The following PHF14 variants were observed in gnomAD, a reference collection of about 807,000 sequenced individuals.
PHF14 encodes the protein PHD finger protein 14.
A neutral mutation model predicts 117.9 loss-of-function variants in PHF14; 55 were observed. That is an observed-to-expected ratio of 0.47 (90% CI 0.38 to 0.58). The LOEUF (loss-of-function observed/expected upper bound fraction) is 0.58, where lower values mean the gene tolerates loss of function less well. PHF14 is among the 20% of genes least tolerant of loss of function. The pLI is 0.00. For missense variants in PHF14, 978 were observed against 1,122.2 expected (o/e 0.87, Z 1.84); for synonymous variants, 409 against 368.6 (o/e 1.11, Z -1.26).
chr7:11,019,573 T>C (rs1194598856), intron 5 of PHF14, among the ~76,000 whole-genome samples: 1 of 152,190 alleles, frequency 6.6e-6, no homozygotes, highest in Non-Finnish European at 1.5e-5. Context: ...ATTTCTGCAA[T>C]ATCAGTTATA....
At chr7:11,091,295 G>GA (rs1340374434) in intron 16 of PHF14, among the ~76,000 whole-genome samples, 2 of 152,144 alleles carry the variant, frequency 1.3e-5, no homozygotes, top group Non-Finnish European at 2.9e-5. Context: ...CAAACTGGAT[G>GA]ACTTTAAGCT....
At chr7:11,018,212 G>T (rs1192472959) in intron 5 of PHF14, among the ~76,000 whole-genome samples, 1 of 151,888 alleles carries the variant, frequency 6.6e-6, no homozygotes, top group Admixed American at 6.6e-5. Flanking sequence ...TTTTGCTTAG[G>T]ATAGCTTTGG....
intron 6 of PHF14, among the ~76,000 whole-genome samples, chr7:11,024,496 T>A (rs1475205252): frequency 1.3e-5 from 2 of 152,196 alleles, no homozygotes; most frequent in African/African-American, 4.8e-5. Context: ...CTATCTGGCT[T>A]CTAAGGGCAG....
intron 16 of PHF14, chr7:11,105,597 G>C (rs1456088129): frequency 2.0e-6 from 2 of 984,328 alleles, no homozygotes; most frequent in South Asian, 9.4e-5. Flanking sequence ...CCTGACATAC[G>C]AAGGCAGAAT....
In PHF14 at chr7:11,062,098, C is replaced by G; in HGVS notation, c.2654+13C>G. On this transcript the variant is annotated intron_variant, in intron 16 of 17. Coordinates refer to ENST00000634607, the MANE Select transcript of PHF14 (RefSeq NM_001007157.2). ...AAAATCTTGTCAGGTAAGTTGGATGCTAAAACCTTGTCTTTAGGGGATGAA... is the reference window on the plus strand; with the variant it reads ...AAAATCTTGTCAGGTAAGTTGGATGGTAAAACCTTGTCTTTAGGGGATGAA... The G allele has an allele frequency of 1.9e-6, 3 of 1,594,020 alleles. No individual in the cohort carries two copies. Among genetic ancestry groups the G allele is most frequent in the Non-Finnish European group, 2.6e-6 (3 of 1,170,808 alleles).
intron 14 of PHF14, among the ~76,000 whole-genome samples, chr7:11,055,174 T>C (rs1045310885): frequency 1.3e-5 from 2 of 152,220 alleles, no homozygotes; most frequent in Non-Finnish European, 2.9e-5. Context: ...TGGAAACTTT[T>C]ACTTACTTTT....
intron 16 of PHF14, among the ~76,000 whole-genome samples, chr7:11,073,537 G>A (rs1399206588): frequency 6.6e-6 from 1 of 152,332 alleles, no homozygotes; most frequent in Middle Eastern, 3.4e-3. Flanking sequence ...CTGCTCTCAT[G>A]GGTTGGAGTT....
intron 5 of PHF14, among the ~76,000 whole-genome samples, chr7:11,018,010 G>C (rs1412205479): frequency 1.3e-5 from 2 of 152,174 alleles, no homozygotes; most frequent in East Asian, 3.9e-4. Flanking sequence ...ACCATTTGTT[G>C]AAGAAACTGT....
At chr7:11,078,245 A>G (rs1170968064) in intron 16 of PHF14, among the ~76,000 whole-genome samples, 1 of 152,164 alleles carries the variant, frequency 6.6e-6, no homozygotes. Flanking sequence ...AGGTTTGTTA[A>G]CTAGGAAAAC....
chr7:10,987,620 T>C (rs1325980401), intron 3 of PHF14, among the ~76,000 whole-genome samples: 3 of 152,162 alleles, frequency 2.0e-5, no homozygotes, highest in African/African-American at 7.2e-5. Context: ...TATTCCATCA[T>C]AATAAAGTTA....
rs550467246 is a variant in PHF14, at chr7:11,008,081, C to G, written c.1046-5666C>G. On this transcript the variant is annotated intron_variant, in intron 4 of 17. Coordinates refer to ENST00000634607, the MANE Select transcript of PHF14 (RefSeq NM_001007157.2). ...AGTGTGTCTGAATTCAGGAGAATGTCAGGTATATGTTAGTACTTGACAGAA... is the reference window on the plus strand; with the variant it reads ...AGTGTGTCTGAATTCAGGAGAATGTGAGGTATATGTTAGTACTTGACAGAA... Among the ~76,000 whole-genome samples the G allele has an allele frequency of 1.2e-3, 183 of 152,240 alleles. 1 individual carries two copies. Among genetic ancestry groups the G allele is most frequent in the African/African-American group, 4.2e-3 (175 of 41,536 alleles).
At chr7:11,031,282 C>A (rs575826046) in intron 7 of PHF14, among the ~76,000 whole-genome samples, 1 of 151,898 alleles carries the variant, frequency 6.6e-6, no homozygotes, top group Non-Finnish European at 1.5e-5. Context: ...CTTTGTATAG[C>A]CTTCTGACAT....
At chr7:11,132,302 AT>A (rs58675172) in intron 17 of PHF14, among the ~76,000 whole-genome samples, 71,967 of 142,464 alleles carry the variant, frequency 0.51, 18,237 homozygotes, top group East Asian at 0.82. Flanking sequence ...TATAATTGAG[AT>A]TTTTTTTTTT....
chr7:11,091,852 A>C (rs1786652380), intron 16 of PHF14, among the ~76,000 whole-genome samples: 1 of 152,208 alleles, frequency 6.6e-6, no homozygotes, highest in African/African-American at 2.4e-5. Context: ...TAAGTATTCA[A>C]TTCTAATTTT....
chr7:11,012,829 A>T (rs73678562), intron 4 of PHF14, among the ~76,000 whole-genome samples: 2,029 of 152,310 alleles, frequency 0.013, 52 homozygotes, highest in African/African-American at 0.046. Flanking sequence ...ATAATTTAAA[A>T]TTTTTGAACA....
intron 4 of PHF14, among the ~76,000 whole-genome samples, chr7:11,007,635 ATACTT>A (rs1032128521): frequency 5.9e-5 from 9 of 152,226 alleles, no homozygotes; most frequent in African/African-American, 9.6e-5. Context: ...AACTTCATGA[ATACTT>A]TATTTAGAGA....
chr7:11,003,285 G>C (rs976529802), intron 4 of PHF14, among the ~76,000 whole-genome samples: 3 of 152,136 alleles, frequency 2.0e-5, no homozygotes, highest in African/African-American at 7.2e-5. Flanking sequence ...AGGACTCTCT[G>C]AGATCCCATA....
At chr7:11,066,883 C>T (rs1257252351) in intron 16 of PHF14, among the ~76,000 whole-genome samples, 1 of 152,132 alleles carries the variant, frequency 6.6e-6, no homozygotes, top group Non-Finnish European at 1.5e-5. Flanking sequence ...TTAGAAACAG[C>T]TTGTCCATTT....
At chr7:11,111,684 T>G (rs1787452048) in intron 17 of PHF14, among the ~76,000 whole-genome samples, 1 of 152,114 alleles carries the variant, frequency 6.6e-6, no homozygotes, top group African/African-American at 2.4e-5. Flanking sequence ...CTGGAATATT[T>G]AGTTGTTTTA....
Sources: gnomAD v4.1 joint callset for allele counts (sites outside exome capture counted in the v4.1 genomes callset) on GRCh38, gnomAD v4.1.1 for gene constraint, MANE v1.5 for transcripts, NCBI Gene and HGNC (gene_info 2026-07-23, HGNC 2026-07-21) for gene names.